LARGE1: variants seen among roughly 807,000 people sequenced by gnomAD.
LARGE1 encodes LARGE xylosyl- and glucuronyltransferase 1, also known as xylosyl- and glucuronyltransferase LARGE1.
In LARGE1, 43 loss-of-function variants were observed where a neutral mutation model predicts 87.6. The ratio of observed to expected loss-of-function variants is 0.49; its 90% CI spans 0.38 to 0.63. The LOEUF (loss-of-function observed/expected upper bound fraction) is 0.63, where lower values mean the gene tolerates loss of function less well. Among genes scored for constraint, LARGE1 ranks in the 30% least tolerant of loss-of-function variants. The pLI is 0.00. For synonymous variants in LARGE1, 434 were observed against 394.6 expected (o/e 1.10, Z -1.18); for missense variants, 802 against 1,000.2 (o/e 0.80, Z 2.67).
the LARGE1 span, among the ~76,000 whole-genome samples, chr22:33,068,673 C>T: frequency 6.6e-6 from 1 of 152,082 alleles, no homozygotes; most frequent in Non-Finnish European, 1.5e-5. Flanking sequence ...AAATAAATGA[C>T]AGAGTTAGGA....
At chr22:33,440,128 G>C (rs1333932182) in intron 6 of LARGE1, among the ~76,000 whole-genome samples, 1 of 152,150 alleles carries the variant, frequency 6.6e-6, no homozygotes, top group Non-Finnish European at 1.5e-5. Flanking sequence ...TGATGATTCT[G>C]CTTCCTTGAT....
At chr22:33,867,986 A>G (rs1193708052) in intron 1 of LARGE1, among the ~76,000 whole-genome samples, 3 of 152,144 alleles carry the variant, frequency 2.0e-5, no homozygotes, top group Non-Finnish European at 4.4e-5. Flanking sequence ...GAGAGGGCCA[A>G]ACCGGATCCA....
At chr22:33,374,734 T>G (rs1392119816) in intron 9 of LARGE1, among the ~76,000 whole-genome samples, 1 of 152,206 alleles carries the variant, frequency 6.6e-6, no homozygotes, top group Non-Finnish European at 1.5e-5. Context: ...TAGATCTTCT[T>G]TGCATTACAT....
intron 6 of LARGE1, among the ~76,000 whole-genome samples, chr22:33,492,879 C>T (rs2069915782): frequency 6.6e-6 from 1 of 152,130 alleles, no homozygotes; most frequent in Non-Finnish European, 1.5e-5. Context: ...TGAATCTCCA[C>T]AGGGAGGGAG....
chr22:33,250,405 C>T (rs562344221), intron 11 of LARGE1, among the ~76,000 whole-genome samples: 1 of 152,236 alleles, frequency 6.6e-6, no homozygotes, highest in East Asian at 1.9e-4. Context: ...CTTATTAGTT[C>T]CATGCGTTTT....
At chr22:33,469,861 C>CAAAAAACAAAAAAA in intron 6 of LARGE1, among the ~76,000 whole-genome samples, 1 of 148,444 alleles carries the variant, frequency 6.7e-6, no homozygotes, top group African/African-American at 2.5e-5. Context: ...AAACAAAAAA[C>CAAAAAACAAAAAAA]CATCTATTGG....
chr22:33,420,958 G>C (rs142791589), intron 7 of LARGE1, among the ~76,000 whole-genome samples: 27 of 152,218 alleles, frequency 1.8e-4, no homozygotes, highest in African/African-American at 3.9e-4. Flanking sequence ...GAGGCCGAGG[G>C]GGGTGAATCA....
At chr22:33,183,256 T>C (rs563221430) in intron 11 of LARGE1, among the ~76,000 whole-genome samples, 2 of 152,006 alleles carry the variant, frequency 1.3e-5, no homozygotes, top group South Asian at 4.2e-4. Context: ...ATCAGAGAAA[T>C]GTAAATCAAA....
At chr22:33,530,783 C>T (rs975170152) in intron 6 of LARGE1, among the ~76,000 whole-genome samples, 27 of 152,220 alleles carry the variant, frequency 1.8e-4, no homozygotes, top group South Asian at 4.1e-4. Flanking sequence ...AACTGTCATG[C>T]AGATTCAAAT....
At chr22:33,448,788 T>A (rs138009615) in intron 6 of LARGE1, among the ~76,000 whole-genome samples, 1 of 151,560 alleles carries the variant, frequency 6.6e-6, no homozygotes, top group East Asian at 1.9e-4. Flanking sequence ...CCATTTTAAG[T>A]GCAGTTCAGC....
intron 1 of LARGE1, among the ~76,000 whole-genome samples, chr22:33,830,517 G>A (rs2062934827): frequency 6.6e-6 from 1 of 152,154 alleles, no homozygotes; most frequent in Non-Finnish European, 1.5e-5. Flanking sequence ...GTGTGACCTT[G>A]GACAATTTAT....
chr22:33,090,300 A>G, the LARGE1 span, among the ~76,000 whole-genome samples: 3 of 151,828 alleles, frequency 2.0e-5, no homozygotes, highest in African/African-American at 4.8e-5. Flanking sequence ...AATAAATAAT[A>G]ATAAATAAGC....
intron 7 of LARGE1, among the ~76,000 whole-genome samples, chr22:33,403,480 G>A (rs1445425548): frequency 3.3e-5 from 5 of 152,164 alleles, no homozygotes; most frequent in Admixed American, 3.3e-4. Flanking sequence ...ACAGTTCCAC[G>A]GATGGCTTTG....
chr22:33,784,889 GTATA>G (rs1265728377), intron 1 of LARGE1, among the ~76,000 whole-genome samples: 5 of 145,852 alleles, frequency 3.4e-5, no homozygotes, highest in East Asian at 3.9e-4. Context: ...TATTTGTACA[GTATA>G]TATACTGTAT....
At chr22:33,117,227 C>A in the LARGE1 span, among the ~76,000 whole-genome samples, 1 of 152,218 alleles carries the variant, frequency 6.6e-6, no homozygotes, top group African/African-American at 2.4e-5. Context: ...CTCACACTGG[C>A]AGACTCTAGT....
intron 7 of LARGE1, among the ~76,000 whole-genome samples, chr22:33,394,230 GCT>G (rs1344613616): frequency 7.4e-6 from 1 of 135,514 alleles, no homozygotes; most frequent in African/African-American, 2.8e-5. Context: ...ACAGAGTCTC[GCT>G]CTGTCACCCA....
chr22:33,543,380 T>C (rs2077266611), intron 6 of LARGE1, among the ~76,000 whole-genome samples: 1 of 152,164 alleles, frequency 6.6e-6, no homozygotes, highest in Admixed American at 6.5e-5. Context: ...AGGCTGCAGA[T>C]ACCACCTTTT....
chr22:33,860,095 G>A (rs1030356498), intron 1 of LARGE1, among the ~76,000 whole-genome samples: 2 of 151,968 alleles, frequency 1.3e-5, no homozygotes, highest in East Asian at 1.9e-4. Context: ...CCCAAAAATA[G>A]TTAAGATGGT....
At chr22:33,433,682 C>A (rs577168661) in intron 6 of LARGE1, among the ~76,000 whole-genome samples, 60 of 151,226 alleles carry the variant, frequency 4.0e-4, no homozygotes, top group Non-Finnish European at 5.9e-4. Context: ...AAGTCACACA[C>A]CTAACAATGA....
Sources: gnomAD v4.1 joint callset for allele counts (sites outside exome capture counted in the v4.1 genomes callset) on GRCh38, gnomAD v4.1.1 for gene constraint, MANE v1.5 for transcripts, NCBI Gene and HGNC (gene_info 2026-07-23, HGNC 2026-07-21) for gene names.